TCL1A: variants seen among roughly 807,000 people sequenced by gnomAD.
TCL1A encodes the protein TCL1 family AKT coactivator A, also known as T-cell leukemia/lymphoma protein 1A.
In TCL1A, 9 loss-of-function variants were observed where a neutral mutation model predicts 16.9. The ratio of observed to expected loss-of-function variants is 0.53; its 90% CI spans 0.32 to 0.93. The LOEUF (loss-of-function observed/expected upper bound fraction) is 0.93. Ranked by LOEUF, TCL1A falls within the 40% of genes least tolerant of loss-of-function variation. The pLI is 0.04. For synonymous variants in TCL1A, 69 were observed against 63.2 expected, an observed-to-expected ratio of 1.09 and a Z score of -0.44; for missense variants, 139 against 153.0, an observed-to-expected ratio of 0.91 and a Z score of 0.48.
chr14:95,713,531 G>A (rs923393984), intron 1 of TCL1A, among the ~76,000 whole-genome samples: 1 of 152,234 alleles, frequency 6.6e-6, no homozygotes, highest in East Asian at 1.9e-4. Flanking sequence ...GCCAGTGTTT[G>A]CTATGCCTGG....
chr14:95,713,731 C>T (rs559109959), intron 1 of TCL1A, among the ~76,000 whole-genome samples: 2 of 152,292 alleles, frequency 1.3e-5, no homozygotes, highest in African/African-American at 2.4e-5. Context: ...CTGGGTCCAC[C>T]CCTTTGACCG....
intron 1 of TCL1A, 140 bp from the exon 2 acceptor site, chr14:95,712,536 T>C: frequency 6.8e-7 from 1 of 1,474,530 alleles, no homozygotes; most frequent in South Asian, 1.4e-5. Flanking sequence ...GTCATCACTG[T>C]TCCCTGAAGC....
At chr14:95,713,702 T>C (rs1445468350) in intron 1 of TCL1A, among the ~76,000 whole-genome samples, 2 of 152,318 alleles carry the variant, frequency 1.3e-5, no homozygotes, top group African/African-American at 2.4e-5. Flanking sequence ...GTCAACATTA[T>C]AGTCACACTC....
intron 1 of TCL1A, among the ~76,000 whole-genome samples, chr14:95,713,322 T>G (rs1886428346): frequency 6.6e-6 from 1 of 152,354 alleles, no homozygotes; most frequent in Non-Finnish European, 1.5e-5. Flanking sequence ...CTCTTTTTCA[T>G]TGAGTAAATC....
chr14:95,712,261 A>G lies in TCL1A; in HGVS notation c.256T>C (p.Ser86Pro). The change falls in exon 2 of 4, where the codon TCC becomes CCC. Residue 86 changes from serine to proline, a missense_variant. Ser to Pro is a moderately conservative substitution (Grantham distance 74). Around this residue, in one of 2 missense-constraint regions of TCL1A, gnomAD observed 45 missense variants for 72.8 expected, o/e 0.62. Transcript: ENST00000402399. ...AAGCGCCAGAAACTGGAGTCTGAGG[A>G]TCGGTATCGTCCATCAGGGTAGAGC... ...WQLYPDGRYR[S>P]SDSSFWRLVY... is the part of the protein sequence containing the mutation. 6.2e-7 allele frequency: 1 copy of G among 1,614,144 alleles called. No homozygotes were observed. Among genetic ancestry groups the G allele is most frequent in the Non-Finnish European group, 8.5e-7 (1 of 1,180,024 alleles).
intron 1 of TCL1A, among the ~76,000 whole-genome samples, 190 bp downstream of exon 1, chr14:95,713,757 T>C (rs1886468205): frequency 2.0e-5 from 3 of 152,298 alleles, no homozygotes; most frequent in East Asian, 3.9e-4. Flanking sequence ...CCTTTGCGGT[T>C]TTCCCACCCT....
In TCL1A at chr14:95,711,811, C is replaced by CAGAG. The variant is rs142205645; in HGVS notation, c.298-13_298-10dup. 1.9e-6 allele frequency: 3 copies of CAGAG among 1,540,046 alleles called. No homozygotes were observed. In the African/African-American group the frequency reaches 4.2e-5, roughly 22 times the overall value. On this transcript the variant is annotated splice_polypyrimidine_tract_variant and intron_variant, in intron 2 of 3. Transcript: ENST00000402399. ...TCCTCCACGCCGTCAATCTGAGAGG[C>CAGAG]AGAGAGAGAGAGAAGGCATTGATCG...
chr14:95,713,622 A>C (rs1026516842), intron 1 of TCL1A, among the ~76,000 whole-genome samples: 1 of 152,310 alleles, frequency 6.6e-6, no homozygotes, highest in African/African-American at 2.4e-5. Flanking sequence ...AATCGGCCAT[A>C]TGGATGAGTC....
At chr14:95,712,174 G>T (rs1225145236) in intron 2 of TCL1A, 46 bp downstream of exon 2, 2 of 1,610,680 alleles carry the variant, frequency 1.2e-6, no homozygotes, top group African/African-American at 2.7e-5. Flanking sequence ...ATGGAGGAGG[G>T]CAAACCCAAG....
chr14:95,711,518 A>G, intron 3 of TCL1A: 1 of 470,240 alleles, frequency 2.1e-6, no homozygotes, highest in Non-Finnish European at 3.8e-6. Context: ...AAACTTGTGA[A>G]GTACTTTATA....
intron 1 of TCL1A, chr14:95,712,651 C>G (rs1566747067): frequency 6.9e-7 from 1 of 1,447,030 alleles, no homozygotes; most frequent in Non-Finnish European, 9.2e-7. Flanking sequence ...GAAAGGCACA[C>G]TTTTTTCTGG....
chr14:95,711,626 C>T, intron 3 of TCL1A, 123 bp downstream of exon 3: 4 of 1,171,510 alleles, frequency 3.4e-6, no homozygotes, highest in Admixed American at 4.4e-5. Context: ...TCTCCCATCC[C>T]TAGGGACCCT....
chr14:95,711,683 G>C, intron 3 of TCL1A, 66 bp downstream of exon 3: 3 of 1,570,354 alleles, frequency 1.9e-6, no homozygotes, highest in Non-Finnish European at 2.6e-6. Flanking sequence ...TCATGGAGAA[G>C]GGGTGGTCTT....
rs373039386 is a variant in TCL1A at position 95,714,080 on chromosome 14, C to A, written c.-14G>T. Reference sequence around the variant, plus strand: ...GCACTCGGCCATGGCGTCCTCGGGCCGCCTAAGAAGCAAGAGCCAGAGCCT... The same window carrying A: ...GCACTCGGCCATGGCGTCCTCGGGCAGCCTAAGAAGCAAGAGCCAGAGCCT... On this transcript the variant is annotated 5_prime_UTR_variant, in exon 1 of 4. Transcript: ENST00000402399. 6.8e-6 allele frequency: 11 copies of A among 1,612,840 alleles called. No individual in the cohort carries two copies. The highest frequency in any genetic ancestry group is 2.7e-5 in the African/African-American group (2 of 74,950).
intron 1 of TCL1A, among the ~76,000 whole-genome samples, chr14:95,713,372 A>T (rs1886430759): frequency 6.6e-6 from 1 of 152,216 alleles, no homozygotes; most frequent in African/African-American, 2.4e-5. Flanking sequence ...TTTAACAAAA[A>T]CTTAACATGG....
intron 2 of TCL1A, 161 bp downstream of exon 2, chr14:95,712,059 C>T (rs1886370550): frequency 1.0e-6 from 1 of 996,406 alleles, no homozygotes; most frequent in Non-Finnish European, 1.5e-6. Flanking sequence ...GAGGATCTAT[C>T]TTCTCTCTGG....
intron 3 of TCL1A, among the ~76,000 whole-genome samples, chr14:95,711,137 T>C (rs779905440): frequency 1.3e-5 from 2 of 152,094 alleles, no homozygotes; most frequent in African/African-American, 2.4e-5. Flanking sequence ...GCTCAGCTGA[T>C]ATAATCAAGC....
rs530095532 is a variant in TCL1A at position 95,710,144 on chromosome 14, A to G, written c.*744T>C. 6.6e-6 allele frequency: 1 copy of G among 152,318 alleles called. No individual in the cohort carries two copies. Among genetic ancestry groups the G allele is most frequent in the African/African-American group, 2.4e-5 (1 of 41,576 alleles). 9.4% of individuals were successfully genotyped at this position (152,318 alleles called of 1,614,324 possible). On this transcript the variant is annotated 3_prime_UTR_variant, in exon 4 of 4. Transcript: ENST00000402399. Reference sequence around the variant, plus strand: ...GTAACACCCAGGTGCGTGACCATCTATAAAAGGGGGGAAACCCAACCTCTA... The same window carrying G: ...GTAACACCCAGGTGCGTGACCATCTGTAAAAGGGGGGAAACCCAACCTCTA...
rs1163958148 is a variant in TCL1A, at chr14:95,714,074, T to A, written c.-8A>T. On this transcript the variant is annotated 5_prime_UTR_variant, in exon 1 of 4. Transcript: ENST00000402399. ...TGTCGGGCACTCGGCCATGGCGTCCTCGGGCCGCCTAAGAAGCAAGAGCCA... is the reference window on the plus strand; with the variant it reads ...TGTCGGGCACTCGGCCATGGCGTCCACGGGCCGCCTAAGAAGCAAGAGCCA... 6 of 1,613,156 alleles carry A rather than the reference T, an allele frequency of 3.7e-6. No individual in the cohort carries two copies. Among genetic ancestry groups the A allele is most frequent in the Non-Finnish European group, 5.1e-6 (6 of 1,179,960 alleles).
Sources: gnomAD v4.1 joint callset for allele counts (sites outside exome capture counted in the v4.1 genomes callset) on GRCh38, gnomAD v4.1.1 for gene constraint, gnomAD v4.1.1 regional missense constraint, MANE v1.5 for transcripts, NCBI Gene and HGNC (gene_info 2026-07-23, HGNC 2026-07-21) for gene names.